The following NFIC variants were observed in gnomAD, a reference collection of about 807,000 sequenced individuals.
NFIC encodes nuclear factor 1 C-type.
Under a neutral mutation model 54.4 loss-of-function variants are expected in NFIC, and 12 were observed. The ratio of observed to expected loss-of-function variants is 0.22; its 90% CI spans 0.14 to 0.36. NFIC has a LOEUF of 0.36. NFIC is among the 10% of genes least tolerant of loss of function. The pLI is 1.00. For synonymous variants in NFIC, 322 were observed against 319.2 expected, an observed-to-expected ratio of 1.01 and a Z score of -0.09; for missense variants, 575 against 718.2, an observed-to-expected ratio of 0.80 and a Z score of 2.28.
intron 10 of NFIC, 43 bp downstream of exon 10, chr19:3,456,678 C>CGG: frequency 1.2e-6 from 1 of 831,622 alleles, no homozygotes; most frequent in Non-Finnish European, 2.0e-6. Context: ...AGGGGCAGGG[C>CGG]AGAGGGGCCG....
intron 4 of NFIC, 27 bp downstream of exon 4, chr19:3,433,619 G>C (rs1256488453): frequency 4.3e-6 from 7 of 1,610,082 alleles, no homozygotes; most frequent in Non-Finnish European, 5.9e-6. Flanking sequence ...GCCCTGAGCT[G>C]GGTCTTGGAG....
chr19:3,451,909 G>T (rs1361096419), intron 7 of NFIC, among the ~76,000 whole-genome samples: 1 of 152,004 alleles, frequency 6.6e-6, no homozygotes, highest in Admixed American at 6.6e-5. Context: ...CTGAGGTCAG[G>T]AGTTCAAGAC....
intron 2 of NFIC, among the ~76,000 whole-genome samples, chr19:3,396,606 C>G (rs181917192): frequency 1.9e-4 from 29 of 152,274 alleles, no homozygotes; most frequent in South Asian, 1.2e-3. Flanking sequence ...GTGAGAACTT[C>G]CAACAGGGAC....
intron 2 of NFIC, among the ~76,000 whole-genome samples, chr19:3,406,141 G>A (rs1316172586): frequency 6.6e-6 from 1 of 152,110 alleles, no homozygotes; most frequent in South Asian, 2.1e-4. Context: ...TGCCCAGGCT[G>A]GAGTGCAATG....
At chr19:3,389,753 C>T (rs1275018344) in intron 2 of NFIC, among the ~76,000 whole-genome samples, 5 of 152,072 alleles carry the variant, frequency 3.3e-5, no homozygotes, top group Non-Finnish European at 5.9e-5. Context: ...GAGGCCCAGG[C>T]GGGTGGATCA....
At chr19:3,396,707 G>A (rs1242944345) in intron 2 of NFIC, among the ~76,000 whole-genome samples, 2 of 152,254 alleles carry the variant, frequency 1.3e-5, no homozygotes, top group Admixed American at 1.3e-4. Flanking sequence ...TGTAATCCCA[G>A]CACTTGCAGA....
intron 3 of NFIC, among the ~76,000 whole-genome samples, chr19:3,432,573 G>A (rs1415322971): frequency 6.6e-6 from 1 of 152,084 alleles, no homozygotes; most frequent in African/African-American, 2.4e-5. Context: ...TGCAATTAGG[G>A]AAACTTGGAG....
chr19:3,359,906 G>A (rs2080787996), intron 1 of NFIC, among the ~76,000 whole-genome samples: 1 of 149,562 alleles, frequency 6.7e-6, no homozygotes, highest in Non-Finnish European at 1.5e-5. Flanking sequence ...GGCGCCGCGG[G>A]AGACCCCAAG....
chr19:3,447,380 G>A (rs1339034661), intron 6 of NFIC, among the ~76,000 whole-genome samples: 1 of 151,802 alleles, frequency 6.6e-6, no homozygotes, highest in Non-Finnish European at 1.5e-5. Flanking sequence ...CCAGCCTCCT[G>A]GAAATACCCA....
chr19:3,436,331 T>A (rs8100860), intron 6 of NFIC, among the ~76,000 whole-genome samples: 39,528 of 138,692 alleles, frequency 0.29, 6,362 homozygotes, highest in East Asian at 0.73. Flanking sequence ...TTTTTTTTTT[T>A]TTTTTTGGTA....
intron 2 of NFIC, among the ~76,000 whole-genome samples, chr19:3,396,254 G>A (rs990478686): frequency 8.6e-5 from 13 of 151,256 alleles, no homozygotes; most frequent in African/African-American, 2.2e-4. Flanking sequence ...TGCGGATCAC[G>A]AGGTGAGGAG....
rs576542978 is a variant in NFIC, at chr19:3,443,385, T to G, written c.959-5629T>G. Among the ~76,000 whole-genome samples the G allele has an allele frequency of 3.9e-3, 590 of 151,118 alleles. 5 individuals are homozygous for G. Among genetic ancestry groups the G allele is most frequent in the Non-Finnish European group, 5.3e-3 (362 of 67,812 alleles). On this transcript the variant is annotated intron_variant, in intron 6 of 10. Coordinates refer to ENST00000443272, the MANE Select transcript of NFIC (RefSeq NM_001245002.2). ...CTGCAGTAAGCTATGATTGCACCAG[T>G]GCACTCCAGTCTGGGCAACAGCGTG... is the stretch of plus-strand genomic sequence containing the variant.
rs548622201 is a variant in NFIC at position 3,405,366 on chromosome 19, T to C, written c.563-19740T>C. Among the ~76,000 whole-genome samples the C allele has an allele frequency of 6.0e-4, 92 of 152,164 alleles. 1 individual carries two copies. Among genetic ancestry groups the C allele is most frequent in the African/African-American group, 2.1e-3 (89 of 41,506 alleles). On this transcript the variant is annotated intron_variant, in intron 2 of 10. Transcript: ENST00000443272. ...TCTATGGGCTTGTGTTTTTTCCTCTTTTGATTTGTCCAGACAGGCGATGGA... is the reference window on the plus strand; with the variant it reads ...TCTATGGGCTTGTGTTTTTTCCTCTCTTGATTTGTCCAGACAGGCGATGGA...
intron 1 of NFIC, among the ~76,000 whole-genome samples, chr19:3,371,982 T>TCTCTCC (rs2081025131): frequency 1.5e-5 from 1 of 67,590 alleles, no homozygotes; most frequent in Non-Finnish European, 2.9e-5. Flanking sequence ...TCTTTCTCTC[T>TCTCTCC]CTCTCCCTCT....
chr19:3,372,651 G>T (rs889160446), intron 1 of NFIC, among the ~76,000 whole-genome samples: 1 of 148,966 alleles, frequency 6.7e-6, no homozygotes, highest in African/African-American at 2.5e-5. Flanking sequence ...GCACGGTGCA[G>T]ACCAGGTGTC....
At chr19:3,447,298 C>CA (rs1178839836) in intron 6 of NFIC, among the ~76,000 whole-genome samples, 8,407 of 77,868 alleles carry the variant, frequency 0.11, 445 homozygotes, top group African/African-American at 0.19. Flanking sequence ...GACTCTATCT[C>CA]AAAAAAAAAA....
chr19:3,445,288 A>G (rs1194266446), intron 6 of NFIC, among the ~76,000 whole-genome samples: 2 of 152,036 alleles, frequency 1.3e-5, no homozygotes, highest in African/African-American at 4.8e-5. Flanking sequence ...GGCCACCCTC[A>G]TTCCTGCCAC....
In NFIC at chr19:3,452,101, CAAAAAAAAAAAAAA is replaced by C. The variant is rs777727186; in HGVS notation, c.1085-372_1085-359del. 1.8e-5 allele frequency among the ~76,000 whole-genome samples: 1 copy of C among 54,530 alleles called. No homozygotes were observed. The highest frequency in any genetic ancestry group is 6.7e-4 in the South Asian group (1 of 1,488). The allele number at this position is 54,530 out of a possible 152,430, so 35.8% of individuals were successfully genotyped here. The stretch of plus-strand genomic sequence containing the variant: ...TGCACTCCAGCCTGGGTGACTGTCT[CAAAAAAAAAAAAAA>C]AAAAAAAAGACCAGGCTCAGTGGGT... On this transcript the variant is annotated intron_variant, in intron 7 of 10. Coordinates refer to ENST00000443272, the MANE Select transcript of NFIC (RefSeq NM_001245002.2). The surrounding 1 kb of genome is among the most constrained non-coding windows in gnomAD (Gnocchi z 5.3).
upstream of NFIC, among the ~76,000 whole-genome samples, chr19:3,365,240 G>T (rs951787156): frequency 6.6e-6 from 1 of 152,238 alleles, no homozygotes; most frequent in African/African-American, 2.4e-5. Flanking sequence ...AGCTTGGTGA[G>T]AGGGTATCAT....
Sources: allele counts gnomAD v4.1 joint callset (sites outside exome capture counted in the v4.1 genomes callset), GRCh38; gene constraint gnomAD v4.1.1; non-coding constraint Gnocchi (gnomAD v3.1); transcripts MANE v1.5; gene names NCBI Gene and HGNC (gene_info 2026-07-23, HGNC 2026-07-21).